Variants in B3GNT5 observed in about 807,000 individuals in gnomAD.
B3GNT5 encodes the protein lactosylceramide 1,3-N-acetyl-beta-D-glucosaminyltransferase.
In B3GNT5, 11 loss-of-function variants were observed where a neutral mutation model predicts 25.9. The ratio of observed to expected loss-of-function variants is 0.42; its 90% CI spans 0.27 to 0.70. The LOEUF is 0.70. Ranked by LOEUF, B3GNT5 falls within the 30% of genes least tolerant of loss-of-function variation. B3GNT5 has a pLI of 0.23. For synonymous variants in B3GNT5, 166 were observed against 158.6 expected (o/e 1.05, Z -0.35); for missense variants, 385 against 458.4 (o/e 0.84, Z 1.46).
rs142874374 is a variant in B3GNT5 at position 183,270,618 on chromosome 3, A to G, written c.820A>G (p.Thr274Ala). The G allele has an allele frequency of 6.1e-5, 99 of 1,614,086 alleles. No individual in the cohort carries two copies. The African/African-American group carries it at 1.1e-3, about 19-fold the overall frequency. ...VAAKVYEASQ[T>A]LNSSLYIDDV... ...TGCCAAAGTCTATGAGGCATCACAG[A>G]CACTAAATTCAAGTCTTTACATAGA... The change falls in exon 2 of 2, where the codon ACA becomes GCA. Residue 274 changes from threonine to alanine, a missense_variant. Coordinates refer to ENST00000326505, the MANE Select transcript of B3GNT5 (RefSeq NM_032047.5). The surrounding 1 kb of genome is among the most constrained non-coding windows in gnomAD (Gnocchi z 4.5).
chr3:183,262,047 A>G (rs1463942409), intron 1 of B3GNT5, among the ~76,000 whole-genome samples: 1 of 148,266 alleles, frequency 6.7e-6, no homozygotes, highest in Non-Finnish European at 1.5e-5. Context: ...AAAGATATAA[A>G]GGAATGAGGA....
intron 1 of B3GNT5, among the ~76,000 whole-genome samples, chr3:183,255,102 T>G (rs1040425286): frequency 6.6e-6 from 1 of 152,178 alleles, no homozygotes; most frequent in Non-Finnish European, 1.5e-5. Flanking sequence ...TGAAAGTACA[T>G]CCATCAGAAT....
rs1165652106 is a variant in B3GNT5, at chr3:183,269,844, A to G, written c.46A>G (p.Ile16Val). Residue 16 changes from isoleucine (I) to valine (V), a missense_variant, in exon 2 of 2, where the codon ATT becomes GTT. Physicochemically the swap from Ile to Val is conservative, Grantham distance 29 (BLOSUM62 3). Transcript: ENST00000326505. Reference protein sequence around the residue: ...SGRRVKKWQLIIQLFATCFLA... With the variant: ...SGRRVKKWQLVIQLFATCFLA... ...CAGAAGAGTCAAAAAATGGCAGTTA[A>G]TTATTCAGTTATTTGCTACTTGTTT... 2 of 1,612,854 alleles carry G rather than the reference A, an allele frequency of 1.2e-6. No individual in the cohort carries two copies. Among genetic ancestry groups the G allele is most frequent in the Admixed American group, 3.3e-5 (2 of 59,760 alleles).
chr3:183,272,339 C>A lies in B3GNT5; in HGVS notation c.*1404C>A. ...AAAATAATGACTTCAGCAAGAGTGACTGAACTCACTCTAAGGCCTTTGACT... is the reference window on the plus strand; with the variant it reads ...AAAATAATGACTTCAGCAAGAGTGAATGAACTCACTCTAAGGCCTTTGACT... On this transcript the variant is annotated 3_prime_UTR_variant, in exon 2 of 2. Transcript: ENST00000326505. 5 of 1,000,090 alleles carry A rather than the reference C, an allele frequency of 5.0e-6. No individual in the cohort carries two copies. The highest frequency in any genetic ancestry group is 6.0e-6 in the Non-Finnish European group (5 of 829,866). 62.0% of individuals were successfully genotyped at this position (1,000,090 alleles called of 1,614,324 possible).
At chr3:183,265,417 T>C (rs1055343570) in intron 1 of B3GNT5, 2 of 152,358 alleles carry the variant, frequency 1.3e-5, no homozygotes, top group African/African-American at 2.4e-5. Flanking sequence ...GCTTGTGGGC[T>C]TCTTCCTAGG....
intron 1 of B3GNT5, chr3:183,253,936 A>G (rs1437735918): frequency 6.6e-6 from 1 of 151,928 alleles, no homozygotes; most frequent in Non-Finnish European, 1.5e-5. Context: ...AAATGGGGAA[A>G]GTTCTGGCCG....
intron 1 of B3GNT5, chr3:183,266,164 C>T (rs545698864): frequency 6.6e-6 from 1 of 152,340 alleles, no homozygotes; most frequent in African/African-American, 2.4e-5. Context: ...ATACTAGCAC[C>T]TTTAATGAGT....
chr3:183,268,551 G>A (rs1435134505), intron 1 of B3GNT5, among the ~76,000 whole-genome samples: 1 of 152,114 alleles, frequency 6.6e-6, no homozygotes, highest in Non-Finnish European at 1.5e-5. Context: ...TGAAAGAAGT[G>A]CAGTTAGGCA....
intron 1 of B3GNT5, among the ~76,000 whole-genome samples, chr3:183,266,962 T>A (rs1726203044): frequency 6.6e-6 from 1 of 152,020 alleles, no homozygotes; most frequent in South Asian, 2.1e-4. Context: ...AATTTTTGAA[T>A]TTTTTATAGA....
At chr3:183,254,492 C>G (rs1044701417) in intron 1 of B3GNT5, 2 of 152,136 alleles carry the variant, frequency 1.3e-5, no homozygotes, top group Admixed American at 1.3e-4. Context: ...GGGCCGCCGC[C>G]CAGGTGCGGC....
intron 1 of B3GNT5, among the ~76,000 whole-genome samples, chr3:183,255,842 T>C (rs964442332): frequency 6.6e-6 from 1 of 152,042 alleles, no homozygotes; most frequent in East Asian, 1.9e-4. Flanking sequence ...AACTTTCTAA[T>C]TCTCAAAAAT....
At position 183,270,204 on chromosome 3, in the gene B3GNT5, C is replaced by G. The variant is rs749889616; in HGVS notation, c.406C>G (p.Pro136Ala). The change falls in exon 2 of 2, where the codon CCA becomes GCA. Residue 136 changes from proline (P) to alanine (A), a missense_variant. Physicochemically the swap from Pro to Ala is conservative, Grantham distance 27. Coordinates refer to ENST00000326505, the MANE Select transcript of B3GNT5 (RefSeq NM_032047.5). The surrounding 1 kb of genome is among the most constrained non-coding windows in gnomAD (Gnocchi z 4.5). ...KTLFALGTPN[P>A]LEGEELQRKL... ...TCTGTTTGCCTTAGGAACTCCTAAT[C>G]CACTGGAGGGAGAAGAACTACAAAG... 3.1e-6 allele frequency: 5 copies of G among 1,614,154 alleles called. No individual in the cohort carries two copies. The highest frequency in any genetic ancestry group is 3.4e-6 in the Non-Finnish European group (4 of 1,180,018).
At position 183,270,563 on chromosome 3, in the gene B3GNT5, A is replaced by C; in HGVS notation, c.765A>C (p.Gly255=). The C allele has an allele frequency of 1.2e-6, 2 of 1,614,192 alleles. No individual in the cohort carries two copies. Among genetic ancestry groups the C allele is most frequent in the Non-Finnish European group, 1.7e-6 (2 of 1,180,040 alleles). The change falls in exon 2 of 2, where the codon GGA becomes GGC. Residue 255 remains glycine, a synonymous_variant. Coordinates refer to ENST00000326505, the MANE Select transcript of B3GNT5 (RefSeq NM_032047.5). This position sits in a 1 kb window ranked among gnomAD's most constrained non-coding sequence, Gnocchi z 4.5. Reference sequence around the variant, plus strand: ...CAGCTTACCCTGACTACACAGCCGGAGCTGCCTATGTAATCTCCGGTGATG... The same window carrying C: ...CAGCTTACCCTGACTACACAGCCGGCGCTGCCTATGTAATCTCCGGTGATG... ...QWPAYPDYTA[G]AAYVISGDVA...
rs1446806263 is a variant in B3GNT5 at position 183,272,241 on chromosome 3, TA to T, written c.*1308del. The T allele has an allele frequency of 2.3e-5, 23 of 1,000,160 alleles. No homozygotes were observed. The African/African-American group carries it at 3.3e-4, about 14-fold the overall frequency. The allele number at this position is 1,000,160 out of a possible 1,614,324, so 62.0% of individuals were successfully genotyped here. ...ACAAAGCAGGATAAAAATGTGGCTA[TA>T]ATACACACTACCTCCCTTCACTACA... On this transcript the variant is annotated 3_prime_UTR_variant, in exon 2 of 2. Coordinates refer to ENST00000326505, the MANE Select transcript of B3GNT5 (RefSeq NM_032047.5).
chr3:183,268,724 G>A (rs545132491), intron 1 of B3GNT5, among the ~76,000 whole-genome samples: 12 of 152,152 alleles, frequency 7.9e-5, no homozygotes, highest in Non-Finnish European at 1.0e-4. Context: ...CGAGTTAAAC[G>A]GTCTTACCCC....
intron 1 of B3GNT5, among the ~76,000 whole-genome samples, chr3:183,264,067 TAATA>T (rs1725870480): frequency 6.6e-6 from 1 of 151,910 alleles, no homozygotes; most frequent in South Asian, 2.1e-4. Flanking sequence ...TGCTCAAACT[TAATA>T]AATACTGAGC....
chr3:183,260,510 T>C (rs1725484159), intron 1 of B3GNT5, among the ~76,000 whole-genome samples: 1 of 152,190 alleles, frequency 6.6e-6, no homozygotes, highest in Non-Finnish European at 1.5e-5. Context: ...TTTTATTTGT[T>C]TCAAATTTTG....
intron 1 of B3GNT5, among the ~76,000 whole-genome samples, chr3:183,255,573 C>A (rs1215194017): frequency 6.6e-6 from 1 of 152,148 alleles, no homozygotes; most frequent in East Asian, 1.9e-4. Flanking sequence ...CCAGTGTTAT[C>A]ACAGGAAAGG....
rs1724997605 is a variant in B3GNT5, at chr3:183,255,834, C to T, written c.-302+2362C>T. 3.3e-5 allele frequency among the ~76,000 whole-genome samples: 5 copies of T among 149,974 alleles called. No homozygotes were observed. The South Asian group carries it at 1.0e-3, about 31-fold the overall frequency. On this transcript the variant is annotated intron_variant, in intron 1 of 1. Transcript: ENST00000326505. ...AAAAAAAAAAAAAAGAAAAAGAAAACTTTCTAATTCTCAAAAATAGAACAG... is the reference window on the plus strand; with the variant it reads ...AAAAAAAAAAAAAAGAAAAAGAAAATTTTCTAATTCTCAAAAATAGAACAG...
Sources: gnomAD v4.1 joint callset for allele counts (sites outside exome capture counted in the v4.1 genomes callset) on GRCh38, gnomAD v4.1.1 for gene constraint, Gnocchi (gnomAD v3.1) non-coding constraint, MANE v1.5 for transcripts, NCBI Gene and HGNC (gene_info 2026-07-23, HGNC 2026-07-21) for gene names.